Variants in CACNA1A observed in about 807,000 individuals in gnomAD.
CACNA1A encodes calcium voltage-gated channel subunit alpha1 A.
A neutral mutation model predicts 262.4 loss-of-function variants in CACNA1A; 57 were observed. The observed-to-expected ratio is 0.22, with a 90% CI of 0.18 to 0.27. CACNA1A has a LOEUF of 0.27. Among genes scored for constraint, CACNA1A ranks in the 10% least tolerant of loss-of-function variants. The probability of loss-of-function intolerance (pLI) is 1.00; values close to 1 mark genes in which losing one functional copy is unlikely to be tolerated. For missense variants in CACNA1A, 2,526 were observed against 3,562.8 expected, an observed-to-expected ratio of 0.71 and a Z score of 7.41; for synonymous variants, 1,431 against 1,419.3, an observed-to-expected ratio of 1.01 and a Z score of -0.18.
chr19:13,462,455 A>G (rs2061141762), intron 1 of CACNA1A, among the ~76,000 whole-genome samples: 1 of 152,244 alleles, frequency 6.6e-6, no homozygotes, highest in Non-Finnish European at 1.5e-5. Context: ...TCCTTGGTCC[A>G]TTAAACACAT....
At position 13,298,962 on chromosome 19, in the gene CACNA1A, G is replaced by T. The variant is rs1205064338; in HGVS notation, c.2671C>A (p.Leu891Met). 1 of 1,587,350 alleles carries T rather than the reference G, an allele frequency of 6.3e-7. No homozygotes were observed. Among genetic ancestry groups the T allele is most frequent in the Admixed American group, 1.7e-5 (1 of 58,378 alleles). The change falls in exon 19 of 47, where the codon CTG (leucine) becomes ATG (methionine). Residue 891 changes from leucine to methionine, a missense_variant. Physicochemically the swap from Leu to Met is conservative, Grantham distance 15. This residue lies in a region of CACNA1A where 765 missense variants were observed against 748.6 expected (regional missense o/e 1.02). Coordinates refer to ENST00000360228, the MANE Select transcript of CACNA1A (RefSeq NM_001127222.2). Reference protein sequence around the residue: ...RPWAGSQEAELSREGPYGRES... With the variant: ...RPWAGSQEAEMSREGPYGRES... ...CGGCCGTAGGGTCCCTCCCGGCTCA[G>T]CTCGGCCTCCTGGCTTCCCGCCCAG...
At chr19:13,270,129 G>A (rs2144806646) in intron 24 of CACNA1A, among the ~76,000 whole-genome samples, 1 of 152,204 alleles carries the variant, frequency 6.6e-6, no homozygotes, top group African/African-American at 2.4e-5. Context: ...GCATCTGACA[G>A]CTGAACCCAA....
chr19:13,230,005 G>A lies in CACNA1A; in HGVS notation c.5528+77C>T, dbSNP rs2055604283. ...CCAGGAGTTCAGTGCTCCAGAGTCT[G>A]GGGCCTGACCTAGCCCGTGTTCCAG... On this transcript the variant is annotated intron_variant, in intron 36 of 46. Coordinates refer to ENST00000360228, the MANE Select transcript of CACNA1A (RefSeq NM_001127222.2). 5 of 1,532,084 alleles carry A rather than the reference G, an allele frequency of 3.3e-6. No homozygotes were observed. In the Admixed American group the frequency reaches 5.5e-5, roughly 17 times the overall value. 94.9% of individuals were successfully genotyped at this position (1,532,084 alleles called of 1,614,324 possible).
intron 1 of CACNA1A, among the ~76,000 whole-genome samples, chr19:13,504,448 C>T (rs1982767738): frequency 6.6e-6 from 1 of 152,178 alleles, no homozygotes; most frequent in South Asian, 2.1e-4. Flanking sequence ...TCAGTGCCCT[C>T]TGTTGCAATC....
At chr19:13,493,794 A>AT (rs548970644) in intron 1 of CACNA1A, among the ~76,000 whole-genome samples, 20 of 152,232 alleles carry the variant, frequency 1.3e-4, no homozygotes, top group Non-Finnish European at 2.5e-4. Context: ...ACAGCCAGAG[A>AT]TTGTTACATG....
intron 26 of CACNA1A, 94 bp from the exon 27 acceptor site, chr19:13,259,795 AG>A: frequency 5.7e-6 from 8 of 1,408,636 alleles, no homozygotes; most frequent in Non-Finnish European, 7.8e-6. Context: ...GGAAAGGAAG[AG>A]TGGTCCACCA....
At position 13,473,322 on chromosome 19, in the gene CACNA1A, G is replaced by A. The variant is rs8109813; in HGVS notation, c.294-18110C>T. On this transcript the variant is annotated intron_variant, in intron 1 of 46. Coordinates refer to ENST00000360228, the MANE Select transcript of CACNA1A (RefSeq NM_001127222.2). ...GACATGAAGGAGAAGGCCATGTGAA[G>A]ACAGAGGCAGAGACTGCAGTGATGC... is the stretch of plus-strand genomic sequence containing the variant. Among the ~76,000 whole-genome samples the A allele has an allele frequency of 2.6e-3, 397 of 151,736 alleles. 2 individuals carry two copies. Among genetic ancestry groups the A allele is most frequent in the African/African-American group, 9.3e-3 (384 of 41,338 alleles).
intron 38 of CACNA1A, among the ~76,000 whole-genome samples, chr19:13,222,048 A>G (rs1467885841): frequency 2.6e-5 from 4 of 151,998 alleles, no homozygotes; most frequent in Non-Finnish European, 2.9e-5. Context: ...CTGGGATTAC[A>G]GGTACCCGCC....
chr19:13,235,143 C>T (rs1456099323), intron 33 of CACNA1A, 66 bp downstream of exon 33: 9 of 1,572,958 alleles, frequency 5.7e-6, no homozygotes, highest in Non-Finnish European at 3.5e-6. Flanking sequence ...TCCTCTGACC[C>T]ACCCCTTTCT....
intron 24 of CACNA1A, among the ~76,000 whole-genome samples, chr19:13,269,332 C>T (rs2056956977): frequency 6.6e-6 from 1 of 152,226 alleles, no homozygotes; most frequent in Non-Finnish European, 1.5e-5. Context: ...AAAAGAGTGA[C>T]CTGCCCAAGG....
chr19:13,332,428 T>C (rs2058483383), intron 9 of CACNA1A, among the ~76,000 whole-genome samples: 1 of 151,392 alleles, frequency 6.6e-6, no homozygotes, highest in South Asian at 2.1e-4. Context: ...AGAAAGAAAG[T>C]CATGGTTCTG....
intron 32 of CACNA1A, 60 bp from the exon 33 acceptor site, chr19:13,235,334 C>T (rs1158377824): frequency 2.7e-6 from 4 of 1,460,598 alleles, no homozygotes; most frequent in Non-Finnish European, 3.8e-6. Context: ...CACTGTCTTC[C>T]TCCCTTGTCC....
At chr19:13,263,487 G>T (rs1200219381) in intron 24 of CACNA1A, 1 of 151,308 alleles carries the variant, frequency 6.6e-6, no homozygotes, top group Non-Finnish European at 1.5e-5. Context: ...TTTCAAAAAA[G>T]CCCTTGGTCT....
At chr19:13,235,822 C>G (rs1027200109) in intron 31 of CACNA1A, 92 bp from the exon 32 acceptor site, 7 of 842,236 alleles carry the variant, frequency 8.3e-6, no homozygotes, top group Non-Finnish European at 1.3e-5. Flanking sequence ...TGAAGCCAAC[C>G]AACAGGAAAA....
At position 13,397,508 on chromosome 19, in the gene CACNA1A, T is replaced by C. The variant is rs116244128; in HGVS notation, c.540-25729A>G. On this transcript the variant is annotated intron_variant, in intron 3 of 46. Coordinates refer to ENST00000360228, the MANE Select transcript of CACNA1A (RefSeq NM_001127222.2). ...CACAGATCAAAATGTGAAGCTTGAT[T>C]CTCAGTGAGGACCCACGCAGAGACT... Among the ~76,000 whole-genome samples the C allele has an allele frequency of 9.8e-3, 1,488 of 152,306 alleles. 22 individuals carry two copies. Among genetic ancestry groups the C allele is most frequent in the African/African-American group, 0.034 (1,414 of 41,554 alleles).
At position 13,268,662 on chromosome 19, in the gene CACNA1A, T is replaced by C. The variant is rs190621331; in HGVS notation, c.3990-5829A>G. 1.9e-3 allele frequency among the ~76,000 whole-genome samples: 286 copies of C among 152,110 alleles called. 8 individuals carry two copies. The East Asian group carries it at 0.044, about 23-fold the overall frequency. The stretch of plus-strand genomic sequence containing the variant: ...TGTTAGCCAGGATGGTCTCCATCTC[T>C]TGACCTCGTGATCCGCCCACCTTGG... On this transcript the variant is annotated intron_variant, in intron 24 of 46. Coordinates refer to ENST00000360228, the MANE Select transcript of CACNA1A (RefSeq NM_001127222.2).
At chr19:13,331,418 G>A (rs2058466601) in intron 9 of CACNA1A, among the ~76,000 whole-genome samples, 1 of 151,722 alleles carries the variant, frequency 6.6e-6, no homozygotes, top group African/African-American at 2.4e-5. Flanking sequence ...TGTATTTTTA[G>A]TAGAGATGGG....
At chr19:13,495,263 T>C (rs1323885912) in intron 1 of CACNA1A, among the ~76,000 whole-genome samples, 1 of 152,210 alleles carries the variant, frequency 6.6e-6, no homozygotes, top group Non-Finnish European at 1.5e-5. Context: ...AGGAGCTTTC[T>C]AATTACATAG....
chr19:13,458,128 C>T (rs985520833), intron 1 of CACNA1A, among the ~76,000 whole-genome samples: 3 of 151,996 alleles, frequency 2.0e-5, no homozygotes, highest in African/African-American at 4.8e-5. Context: ...ACGCCTCTCC[C>T]CTCCCCTCTC....
Sources: gnomAD v4.1 joint callset for allele counts (sites outside exome capture counted in the v4.1 genomes callset) on GRCh38, gnomAD v4.1.1 for gene constraint, gnomAD v4.1.1 regional missense constraint, MANE v1.5 for transcripts, NCBI Gene and HGNC (gene_info 2026-07-23, HGNC 2026-07-21) for gene names.